Variants in CHEK2 observed in about 807,000 individuals in gnomAD.
CHEK2 encodes the protein serine/threonine-protein kinase Chk2.
In CHEK2, 71 loss-of-function variants were observed where a neutral mutation model predicts 69.1. The ratio of observed to expected loss-of-function variants is 1.03; its 90% CI spans 0.85 to 1.25. The LOEUF (loss-of-function observed/expected upper bound fraction) is 1.25, where lower values mean the gene tolerates loss of function less well. Ranked by LOEUF, CHEK2 falls within the 50% of genes most tolerant of loss-of-function variation. The pLI is 0.00. For missense variants in CHEK2, 664 were observed against 649.6 expected (o/e 1.02, Z -0.24); for synonymous variants, 189 against 226.9 (o/e 0.83, Z 1.50).
rs957119689 is a variant in CHEK2, at chr22:28,711,810, G to C, written c.792+99C>G. ...CTCACAAATTCATCCATCTAAGCAG[G>C]GGGTTATTCCTGAGTTTAAAAATCA... On this transcript the variant is annotated intron_variant, in intron 6 of 14. Coordinates refer to ENST00000404276, the MANE Select transcript of CHEK2 (RefSeq NM_007194.4). 6 of 851,180 alleles carry C rather than the reference G, an allele frequency of 7.0e-6. No individual in the cohort carries two copies. The African/African-American group carries it at 1.0e-4, about 14-fold the overall frequency. The allele number at this position is 851,180 out of a possible 1,614,324, so 52.7% of individuals were successfully genotyped here.
chr22:28,704,917 A>G (rs2053050476), intron 7 of CHEK2, among the ~76,000 whole-genome samples: 1 of 152,144 alleles, frequency 6.6e-6, no homozygotes, highest in Non-Finnish European at 1.5e-5. Context: ...ATGAATTGTT[A>G]TATAGCAATG....
chr22:28,728,244 A>T (rs1215753060), intron 2 of CHEK2: 1 of 152,240 alleles, frequency 6.6e-6, no homozygotes, highest in East Asian at 1.9e-4. Context: ...CTAAAATTAG[A>T]ATGAGAGAGA....
At position 28,734,685 on chromosome 22, in the gene CHEK2, G is replaced by A. The variant is rs1601854066; in HGVS notation, c.37C>T (p.His13Tyr). The change falls in exon 2 of 15, where the codon CAT (histidine) becomes TAT (tyrosine). Residue 13 changes from histidine to tyrosine, a missense_variant. His to Tyr is a moderately conservative substitution (Grantham distance 83, BLOSUM62 2). Transcript: ENST00000404276. Reference sequence around the variant, plus strand: ...GGCTGTGAACAGGCACTGCTGCCATGAGACTGCTGAGCCTCAACATCCGAC... The same window carrying A: ...GGCTGTGAACAGGCACTGCTGCCATAAGACTGCTGAGCCTCAACATCCGAC... The part of the protein sequence containing the change: ...RESDVEAQQS[H>Y]GSSACSQPHG... 2 of 1,613,872 alleles carry A rather than the reference G, an allele frequency of 1.2e-6. No homozygotes were observed. The highest frequency in any genetic ancestry group is 1.7e-6 in the Non-Finnish European group (2 of 1,180,020).
intron 1 of CHEK2, among the ~76,000 whole-genome samples, chr22:28,736,735 T>G (rs2054418564): frequency 1.3e-5 from 2 of 151,424 alleles, no homozygotes; most frequent in South Asian, 2.1e-4. Flanking sequence ...AGGCCACGAG[T>G]TCAATACCAG....
chr22:28,688,883 C>G (rs2052229965), intron 14 of CHEK2, among the ~76,000 whole-genome samples: 1 of 152,160 alleles, frequency 6.6e-6, no homozygotes, highest in African/African-American at 2.4e-5. Context: ...TCGAAATTGC[C>G]TTGCAGGTGA....
In CHEK2 at chr22:28,734,446, G is replaced by A. The variant is rs1478388236; in HGVS notation, c.276C>T (p.Pro92=). 6.2e-7 allele frequency: 1 copy of A among 1,614,070 alleles called. No homozygotes were observed. Among genetic ancestry groups the A allele is most frequent in the Non-Finnish European group, 8.5e-7 (1 of 1,179,962 alleles). Residue 92 remains proline (P), a synonymous_variant, in exon 2 of 15, where the codon CCC becomes CCT. Coordinates refer to ENST00000404276, the MANE Select transcript of CHEK2 (RefSeq NM_007194.4). ...CCTGAAGGGCCCATAATCGAGCCCA[G>A]GGGGCAGGGGTAGGCTCCTCAGGTT... ...DQEPEEPTPA[P]WARLWALQDG...
Position 28,712,917 on chromosome 22 carries a change from T to A in CHEK2, c.684-900A>T, listed in dbSNP as rs192029487. Reference sequence around the variant, plus strand: ...CCATCAGCATCTAATTCCAGAACTTTCTCATTAGCTCAAATGGAAACCCTG... The same window carrying A: ...CCATCAGCATCTAATTCCAGAACTTACTCATTAGCTCAAATGGAAACCCTG... On this transcript the variant is annotated intron_variant, in intron 5 of 14. Transcript: ENST00000404276. Among the ~76,000 whole-genome samples, 5 of 152,304 alleles carry A rather than the reference T, an allele frequency of 3.3e-5. No homozygotes were observed. The East Asian group carries it at 9.6e-4, about 29-fold the overall frequency.
intron 6 of CHEK2, 81 bp from the exon 7 acceptor site, chr22:28,710,140 G>T: frequency 3.1e-6 from 3 of 977,600 alleles, no homozygotes; most frequent in Non-Finnish European, 4.8e-6. Flanking sequence ...AAACTCAGTT[G>T]ACTCAAGGCT....
At chr22:28,724,762 C>A (rs1296366654) in intron 4 of CHEK2, 1 of 584,174 alleles carries the variant, frequency 1.7e-6, no homozygotes, top group Non-Finnish European at 3.2e-6. Flanking sequence ...GACAGGGTTT[C>A]TCCATGTGGG....
chr22:28,702,436 C>T lies in CHEK2; in HGVS notation c.908+1069G>A, dbSNP rs368039720. Among the ~76,000 whole-genome samples, 613 of 151,276 alleles carry T rather than the reference C, an allele frequency of 4.1e-3. 5 individuals carry two copies. Among genetic ancestry groups the T allele is most frequent in the African/African-American group, 0.014 (576 of 41,254 alleles). On this transcript the variant is annotated intron_variant, in intron 8 of 14. Coordinates refer to ENST00000404276, the MANE Select transcript of CHEK2 (RefSeq NM_007194.4). ...TGTATTTTTAGTAGAGACAGGGTTT[C>T]ACCGTGTTAGCCAGGATGGCCTCGA...
At chr22:28,700,378 ATTG>A (rs1407874376) in intron 8 of CHEK2, among the ~76,000 whole-genome samples, 1 of 151,896 alleles carries the variant, frequency 6.6e-6, no homozygotes, top group Non-Finnish European at 1.5e-5. Flanking sequence ...TGCCCGGCTA[ATTG>A]TTGTATTTTT....
chr22:28,690,527 C>G (rs2052319986), intron 13 of CHEK2, among the ~76,000 whole-genome samples: 1 of 151,268 alleles, frequency 6.6e-6, no homozygotes, highest in African/African-American at 2.4e-5. Context: ...ACTCAGGAGG[C>G]TGAGGCAGGA....
At chr22:28,712,168 A>G in intron 5 of CHEK2, 151 bp from the exon 6 acceptor site, 3 of 673,324 alleles carry the variant, frequency 4.5e-6, no homozygotes, top group Non-Finnish European at 8.0e-6. Flanking sequence ...GTGAAACTTC[A>G]CCAGTGTAAA....
intron 13 of CHEK2, 150 bp from the exon 14 acceptor site, chr22:28,689,365 T>C: frequency 2.8e-6 from 2 of 720,716 alleles, no homozygotes; most frequent in Non-Finnish European, 5.1e-6. Flanking sequence ...GAAGGCATTA[T>C]GTGTTGCCCG....
intron 1 of CHEK2, chr22:28,737,305 T>A (rs1221180280): frequency 2.1e-6 from 1 of 479,266 alleles, no homozygotes; most frequent in African/African-American, 2.0e-5. Context: ...TATTTCCATA[T>A]TAAATTGAGA....
At chr22:28,692,048 A>T (rs2052386219) in intron 13 of CHEK2, among the ~76,000 whole-genome samples, 1 of 152,234 alleles carries the variant, frequency 6.6e-6, no homozygotes, top group African/African-American at 2.4e-5. Context: ...TATTCCAGGG[A>T]GATCCTGCAA....
At position 28,699,865 on chromosome 22, in the gene CHEK2, A is replaced by AC; in HGVS notation, c.980_981insG (p.Tyr327Ter). The stretch of plus-strand genomic sequence containing the variant: ...GCACAGCCAAGAGCATCTGGTAAAA[A>AC]TAGAGCTTGCAGGTAGCTTCTTTCA... ...KRLKEATCKL[Y>*]FYQMLLAVQY... Residue 327 changes from tyrosine (Y) to a stop codon, truncating the protein, a stop_gained and frameshift_variant, in exon 9 of 15, where the codon TAT becomes TAGT. Coordinates refer to ENST00000404276, the MANE Select transcript of CHEK2 (RefSeq NM_007194.4). LOFTEE classifies it high-confidence loss of function. 6.2e-7 allele frequency: 1 copy of AC among 1,614,028 alleles called. No homozygotes were observed. Among genetic ancestry groups the AC allele is most frequent in the Non-Finnish European group, 8.5e-7 (1 of 1,179,880 alleles).
intron 12 of CHEK2, among the ~76,000 whole-genome samples, chr22:28,694,618 A>G (rs1361475752): frequency 6.6e-6 from 1 of 152,178 alleles, no homozygotes; most frequent in Non-Finnish European, 1.5e-5. Context: ...GACATTTAAC[A>G]CAATCACCTA....
At chr22:28,704,155 CA>C (rs1360226438) in intron 7 of CHEK2, among the ~76,000 whole-genome samples, 6 of 151,496 alleles carry the variant, frequency 4.0e-5, no homozygotes, top group East Asian at 3.9e-4. Flanking sequence ...CACACACACA[CA>C]CACACACCTA....
Sources: gnomAD v4.1 joint callset for allele counts (sites outside exome capture counted in the v4.1 genomes callset) on GRCh38, gnomAD v4.1.1 for gene constraint, MANE v1.5 for transcripts, NCBI Gene and HGNC (gene_info 2026-07-23, HGNC 2026-07-21) for gene names.